The following PDE5A variants were observed in gnomAD, a reference collection of about 807,000 sequenced individuals.
PDE5A encodes cGMP-specific 3',5'-cyclic phosphodiesterase.
PDE5A carries 67 observed loss-of-function variants against 110.2 expected under a neutral mutation model. The observed-to-expected ratio is 0.61, with a 90% confidence interval of 0.50 to 0.75. The LOEUF is 0.75. Ranked by LOEUF, PDE5A falls within the 30% of genes least tolerant of loss-of-function variation. The pLI, the probability that PDE5A is intolerant of heterozygous loss-of-function variation, is 0.00. For synonymous variants in PDE5A, 328 were observed against 351.2 expected (o/e 0.93, Z 0.74); for missense variants, 862 against 1,045.1 (o/e 0.82, Z 2.42).
At chr4:119,514,020 C>G (rs1455292571) in intron 14 of PDE5A, among the ~76,000 whole-genome samples, 1 of 152,162 alleles carries the variant, frequency 6.6e-6, no homozygotes, top group Non-Finnish European at 1.5e-5. Flanking sequence ...GTATTTTCCT[C>G]TTTCAAACAC....
At chr4:119,521,399 T>C (rs1726124094) in intron 12 of PDE5A, among the ~76,000 whole-genome samples, 1 of 151,262 alleles carries the variant, frequency 6.6e-6, no homozygotes, top group African/African-American at 2.4e-5. Context: ...AAAAGGTCCA[T>C]GTGTCCATGT....
At chr4:119,574,236 G>A (rs1390825310) in intron 3 of PDE5A, among the ~76,000 whole-genome samples, 1 of 134,798 alleles carries the variant, frequency 7.4e-6, no homozygotes, top group Non-Finnish European at 1.5e-5. Context: ...AGGCTGGAGT[G>A]TAATGATGCG....
intron 15 of PDE5A, among the ~76,000 whole-genome samples, chr4:119,510,343 T>C (rs1051258013): frequency 6.6e-6 from 1 of 152,022 alleles, no homozygotes; most frequent in Non-Finnish European, 1.5e-5. Flanking sequence ...TATTGTAAAA[T>C]TGCTTTAAGA....
At chr4:119,625,320 G>C (rs1046786359) in intron 1 of PDE5A, among the ~76,000 whole-genome samples, 2 of 152,120 alleles carry the variant, frequency 1.3e-5, no homozygotes, top group Non-Finnish European at 2.9e-5. Context: ...TTAATAAGAT[G>C]CGTAGCTCTC....
At chr4:119,499,065 G>A (rs1725196004) in intron 20 of PDE5A, among the ~76,000 whole-genome samples, 1 of 152,206 alleles carries the variant, frequency 6.6e-6, no homozygotes, top group Admixed American at 6.5e-5. Context: ...CTCTTCCTAA[G>A]TGTGACTGCA....
intron 1 of PDE5A, among the ~76,000 whole-genome samples, chr4:119,622,055 T>C (rs1483653186): frequency 6.6e-6 from 1 of 151,674 alleles, no homozygotes; most frequent in Non-Finnish European, 1.5e-5. Context: ...GCGCCTGTAG[T>C]CCCAGCTACT....
At chr4:119,536,005 G>C (rs1422126336) in intron 11 of PDE5A, among the ~76,000 whole-genome samples, 2 of 152,212 alleles carry the variant, frequency 1.3e-5, no homozygotes, top group African/African-American at 4.8e-5. Flanking sequence ...CAGACAACTA[G>C]AACTGAAATC....
intron 6 of PDE5A, among the ~76,000 whole-genome samples, chr4:119,562,428 A>G (rs1727774281): frequency 6.6e-6 from 1 of 152,096 alleles, no homozygotes; most frequent in Admixed American, 6.5e-5. Flanking sequence ...TTTATACCCA[A>G]CCCATCCAGA....
chr4:119,502,115 CTG>C (rs1725366926), intron 19 of PDE5A, among the ~76,000 whole-genome samples: 1 of 152,070 alleles, frequency 6.6e-6, no homozygotes, highest in Admixed American at 6.6e-5. Flanking sequence ...CTTCCTTTCT[CTG>C]TCAGCCACAG....
At chr4:119,614,336 G>C (rs80308922) in intron 1 of PDE5A, among the ~76,000 whole-genome samples, 4,329 of 152,200 alleles carry the variant, frequency 0.028, 87 homozygotes, top group South Asian at 0.07. Flanking sequence ...TGCTAAAAAT[G>C]AGTTTCAGAT....
At chr4:119,612,227 TGTTGAAATGTAATCCCCA>T in intron 1 of PDE5A, among the ~76,000 whole-genome samples, 1 of 152,226 alleles carries the variant, frequency 6.6e-6, no homozygotes, top group South Asian at 2.1e-4. Flanking sequence ...CAAAATCTCA[TGTTGAAATGTAATCCCCA>T]GTGTTGAAGG....
chr4:119,519,936 C>A (rs1394018454), intron 13 of PDE5A, among the ~76,000 whole-genome samples: 1 of 152,040 alleles, frequency 6.6e-6, no homozygotes, highest in African/African-American at 2.4e-5. Context: ...CTTGGAGCAC[C>A]AATAAGTCTC....
chr4:119,516,758 C>T (rs1276276231), intron 14 of PDE5A, among the ~76,000 whole-genome samples: 1 of 152,164 alleles, frequency 6.6e-6, no homozygotes, highest in Admixed American at 6.5e-5. Context: ...GCTGGGACTA[C>T]AGGCACCCGC....
intron 3 of PDE5A, among the ~76,000 whole-genome samples, chr4:119,573,399 T>C (rs929102532): frequency 1.3e-5 from 2 of 152,186 alleles, no homozygotes; most frequent in African/African-American, 2.4e-5. Flanking sequence ...TTGCATCTCA[T>C]TGTTGCTTTA....
intron 11 of PDE5A, among the ~76,000 whole-genome samples, chr4:119,535,771 A>G (rs1726705793): frequency 6.6e-6 from 1 of 152,204 alleles, no homozygotes; most frequent in African/African-American, 2.4e-5. Flanking sequence ...TTACTTTGTT[A>G]TAACTGGAGA....
intron 8 of PDE5A, 77 bp downstream of exon 8, chr4:119,553,561 A>G: frequency 1.3e-6 from 1 of 780,656 alleles, no homozygotes; most frequent in Non-Finnish European, 2.3e-6. Flanking sequence ...CCAGTCCTTC[A>G]GTTCAAGAAT....
chr4:119,553,849 T>C (rs938443875), intron 7 of PDE5A, 103 bp from the exon 8 acceptor site: 2 of 662,802 alleles, frequency 3.0e-6, no homozygotes, highest in African/African-American at 1.8e-5. Flanking sequence ...CCTTAAATTA[T>C]AAGGCATATA....
At chr4:119,538,912 A>T in intron 11 of PDE5A, 48 bp downstream of exon 11, 5 of 1,412,818 alleles carry the variant, frequency 3.5e-6, no homozygotes, top group Non-Finnish European at 5.0e-6. Context: ...ATTTGGTTAA[A>T]TTAGGTGTCT....
rs1730415144 is a variant in PDE5A at position 119,627,829 on chromosome 4, G to C, written c.152+691C>G. 6.6e-6 allele frequency among the ~76,000 whole-genome samples: 1 copy of C among 152,210 alleles called. No individual in the cohort carries two copies. Among genetic ancestry groups the C allele is most frequent in the Admixed American group, 6.5e-5 (1 of 15,288 alleles). On this transcript the variant is annotated intron_variant, in intron 1 of 20. Transcript: ENST00000354960. The surrounding 1 kb of genome is among the most constrained non-coding windows in gnomAD (Gnocchi z 4.6). ...GCCTCTGGGGTCTGCGCTGCCCCTTGGGGTCCGCTCCAGGCGGCGCCTCCC... is the reference window on the plus strand; with the variant it reads ...GCCTCTGGGGTCTGCGCTGCCCCTTCGGGTCCGCTCCAGGCGGCGCCTCCC...
Sources: allele counts gnomAD v4.1 joint callset (sites outside exome capture counted in the v4.1 genomes callset), GRCh38; gene constraint gnomAD v4.1.1; non-coding constraint Gnocchi (gnomAD v3.1); transcripts MANE v1.5; gene names NCBI Gene and HGNC (gene_info 2026-07-23, HGNC 2026-07-21).